The following KCNAB2 variants were observed in gnomAD, a reference collection of about 807,000 sequenced individuals.
KCNAB2 encodes potassium voltage-gated channel subfamily A regulatory beta subunit 2, also known as voltage-gated potassium channel subunit beta-2.
Under a neutral mutation model 63.6 loss-of-function variants are expected in KCNAB2, and 29 were observed. The ratio of observed to expected loss-of-function variants is 0.46; its 90% confidence interval spans 0.34 to 0.62. KCNAB2 has a LOEUF of 0.62. Ranked by LOEUF, KCNAB2 falls within the 20% of genes least tolerant of loss-of-function variation. The pLI is 0.01. For missense variants in KCNAB2, 359 were observed against 563.9 expected (o/e 0.64, Z 3.68); for synonymous variants, 222 against 224.2 (o/e 0.99, Z 0.09).
In KCNAB2 at chr1:6,096,560, A is replaced by G; in HGVS notation, c.949-76A>G. 3 of 1,522,178 alleles carry G rather than the reference A, an allele frequency of 2.0e-6. No homozygotes were observed. Among genetic ancestry groups the G allele is most frequent in the Non-Finnish European group, 2.7e-6 (3 of 1,128,408 alleles). 94.3% of individuals were successfully genotyped at this position (1,522,178 alleles called of 1,614,324 possible). ...AGAAGGGTCCAGAAGGAATGAGCCC[A>G]TCGGCCCCCTGCACGTGGGGGTCCA... is the stretch of plus-strand genomic sequence containing the variant. On this transcript the variant is annotated intron_variant, in intron 13 of 15. Transcript: ENST00000378083. The surrounding 1 kb of genome is among the most constrained non-coding windows in gnomAD (Gnocchi z 5.9).
chr1:6,077,419 C>T (rs1477568262), intron 4 of KCNAB2, among the ~76,000 whole-genome samples: 1 of 152,222 alleles, frequency 6.6e-6, no homozygotes, highest in East Asian at 1.9e-4. Context: ...CCTCTCTTTC[C>T]TGCCTCTGGT....
Position 6,003,902 on chromosome 1 carries a change from G to A in KCNAB2, c.-53+11114G>A, listed in dbSNP as rs1443560982. Among the ~76,000 whole-genome samples, 2 of 152,368 alleles carry A rather than the reference G, an allele frequency of 1.3e-5. No homozygotes were observed. The highest frequency in any genetic ancestry group is 4.8e-5 in the African/African-American group (2 of 41,586). ...TTCAGCGGGGCCTTTAATGGATGTG[G>A]TGGAGTAAAGCTGCCTTTCAAATTG... On this transcript the variant is annotated intron_variant, in intron 1 of 16. Coordinates refer to the KCNAB2 transcript ENST00000341524. The surrounding 1 kb of genome is among the most constrained non-coding windows in gnomAD (Gnocchi z 4.1).
chr1:6,097,134 C>T, intron 14 of KCNAB2, 135 bp from the exon 15 acceptor site: 1 of 1,007,336 alleles, frequency 9.9e-7, no homozygotes, highest in East Asian at 2.6e-5. Context: ...GTGCCCAGCA[C>T]TGCAGGGCTT....
rs376840004 is a variant in KCNAB2 at position 6,073,676 on chromosome 1, C to T, written c.263-57C>T. ...CTACAGCCTGAGGTCTGAGCACCGA[C>T]GGGATAATCTGGCTTCCTGCCAGGT... On this transcript the variant is annotated intron_variant, in intron 3 of 15. Transcript: ENST00000378083. This position sits in a 1 kb window ranked among gnomAD's most constrained non-coding sequence, Gnocchi z 5.7. The T allele has an allele frequency of 1.3e-4, 199 of 1,566,356 alleles. No homozygotes were observed. The African/African-American group carries it at 2.4e-3, about 19-fold the overall frequency.
intron 1 of KCNAB2, among the ~76,000 whole-genome samples, chr1:6,040,258 G>A (rs927110676): frequency 6.6e-6 from 1 of 152,154 alleles, no homozygotes; most frequent in African/African-American, 2.4e-5. Context: ...ATATAAGGTG[G>A]GAGTGTGGAG....
chr1:6,076,169 T>C (rs750092617), intron 4 of KCNAB2, among the ~76,000 whole-genome samples: 4 of 152,228 alleles, frequency 2.6e-5, no homozygotes, highest in African/African-American at 4.8e-5. Context: ...TGTGAACTGC[T>C]CAGCCCAGTT....
At chr1:6,015,388 G>A (rs1658434272) in intron 1 of KCNAB2, among the ~76,000 whole-genome samples, 1 of 152,128 alleles carries the variant, frequency 6.6e-6, no homozygotes, top group African/African-American at 2.4e-5. Context: ...GGCCAGATCA[G>A]GCCCACCGTT....
chr1:6,048,587 C>T (rs533119099), intron 1 of KCNAB2, among the ~76,000 whole-genome samples: 15 of 152,368 alleles, frequency 9.8e-5, no homozygotes, highest in African/African-American at 3.6e-4. Flanking sequence ...AAACCAGACC[C>T]GGATTGCTTT....
intron 2 of KCNAB2, 104 bp from the exon 3 acceptor site, chr1:6,072,651 T>A: frequency 8.0e-7 from 1 of 1,251,924 alleles, no homozygotes; most frequent in South Asian, 1.2e-5. Flanking sequence ...AAACACACAT[T>A]GACTGTTGGG....
chr1:6,004,982 G>GAAGTGGGGGA (rs1557920925), intron 1 of KCNAB2, among the ~76,000 whole-genome samples: 2 of 110,292 alleles, frequency 1.8e-5, no homozygotes, highest in Non-Finnish European at 2.1e-5. Flanking sequence ...GGATGAGGGT[G>GAAGTGGGGGA]CAGGCAGAGA....
At chr1:6,017,932 A>G (rs1275372040) in intron 1 of KCNAB2, among the ~76,000 whole-genome samples, 5 of 147,284 alleles carry the variant, frequency 3.4e-5, no homozygotes, top group South Asian at 2.1e-4. Flanking sequence ...ATTTTTTTTT[A>G]GACAAGATCT....
At chr1:6,084,969 T>C (rs1664567115) in intron 5 of KCNAB2, among the ~76,000 whole-genome samples, 2 of 152,346 alleles carry the variant, frequency 1.3e-5, no homozygotes, top group Admixed American at 6.5e-5. Flanking sequence ...GACACGTGTC[T>C]GCAGGGGAAC....
At chr1:6,082,159 C>A (rs1052628054) in intron 4 of KCNAB2, 36 bp from the exon 5 acceptor site, 5 of 1,593,840 alleles carry the variant, frequency 3.1e-6, no homozygotes, top group Non-Finnish European at 4.3e-6. Flanking sequence ...GGCCCCACCC[C>A]CGGCTGGCAG....
At chr1:6,051,123 G>T (rs148174045) in intron 1 of KCNAB2, among the ~76,000 whole-genome samples, 2 of 152,180 alleles carry the variant, frequency 1.3e-5, no homozygotes, top group Non-Finnish European at 2.9e-5. Flanking sequence ...ACATGGTACC[G>T]CAGTCACCAC....
chr1:6,043,126 C>T (rs896520947), upstream of KCNAB2, among the ~76,000 whole-genome samples: 16 of 152,136 alleles, frequency 1.1e-4, no homozygotes, highest in Non-Finnish European at 2.1e-4. Flanking sequence ...AAACATATGC[C>T]GCTCATCCCA....
chr1:6,095,285 C>T (rs1052184071), intron 11 of KCNAB2, 38 bp from the exon 12 acceptor site: 2 of 1,581,470 alleles, frequency 1.3e-6, no homozygotes, highest in African/African-American at 1.3e-5. Context: ...CGCCTGCTCA[C>T]AGGCAAGGGC....
At chr1:6,066,463 C>A (rs1175497953) in intron 2 of KCNAB2, among the ~76,000 whole-genome samples, 1 of 152,204 alleles carries the variant, frequency 6.6e-6, no homozygotes, top group Non-Finnish European at 1.5e-5. Context: ...CGTGGAGAAT[C>A]CGGTCAGTGC....
intron 1 of KCNAB2, among the ~76,000 whole-genome samples, chr1:6,021,624 A>G (rs1386538598): frequency 4.7e-3 from 453 of 95,488 alleles, no homozygotes; most frequent in Middle Eastern, 0.038. Context: ...GGTATTGAGT[A>G]TACAGTTCAG....
At position 6,091,271 on chromosome 1, in the gene KCNAB2, T is replaced by C. The variant is rs756615015; in HGVS notation, c.610T>C (p.Phe204Leu). Residue 204 changes from phenylalanine to leucine, a missense_variant, in exon 10 of 16, where the codon TTT becomes CTT. Around this residue, in one of 2 missense-constraint regions of KCNAB2, gnomAD observed 271 missense variants for 476.1 expected, o/e 0.57. Coordinates refer to ENST00000378083, the MANE Select transcript of KCNAB2 (RefSeq NM_001199862.2). Reference protein sequence around the residue: ...DPNTPMEGDPFSSSKSRTFII... With the variant: ...DPNTPMEGDPLSSSKSRTFII... ...CTTTCTTCTATCACCAGGGGACCCA[T>C]TTAGTTCCTCCAAGTCAAGGACATT... The C allele has an allele frequency of 4.6e-6, 7 of 1,533,478 alleles. No individual in the cohort carries two copies. The South Asian group carries it at 7.1e-5, about 16-fold the overall frequency. 95.0% of individuals were successfully genotyped at this position (1,533,478 alleles called of 1,614,324 possible).
Sources: allele counts gnomAD v4.1 joint callset (sites outside exome capture counted in the v4.1 genomes callset), GRCh38; gene constraint gnomAD v4.1.1; regional missense constraint gnomAD v4.1.1; non-coding constraint Gnocchi (gnomAD v3.1); transcripts MANE v1.5; gene names NCBI Gene and HGNC (gene_info 2026-07-23, HGNC 2026-07-21).